The following EFHB variants were observed in gnomAD, a reference collection of about 807,000 sequenced individuals.
EFHB encodes EF-hand domain family member B.
In EFHB, 91 loss-of-function variants were observed where a neutral mutation model predicts 87.2. The ratio of observed to expected loss-of-function variants is 1.04; its 90% CI spans 0.88 to 1.24. EFHB has a LOEUF of 1.24. Among genes scored for constraint, EFHB ranks in the 50% most tolerant of loss-of-function variants. The pLI is 0.00. For synonymous variants in EFHB, 325 were observed against 333.6 expected, an observed-to-expected ratio of 0.97 and a Z score of 0.28; for missense variants, 1,084 against 998.8, an observed-to-expected ratio of 1.09 and a Z score of -1.15.
intron 1 of EFHB, among the ~76,000 whole-genome samples, chr3:19,928,708 G>A (rs1695719177): frequency 1.3e-5 from 2 of 152,172 alleles, no homozygotes; most frequent in South Asian, 4.1e-4. Flanking sequence ...GCCTCCCAAA[G>A]CACTGGGATT....
chr3:19,901,377 TTCTC>T (rs2125132262), intron 6 of EFHB, among the ~76,000 whole-genome samples: 1 of 152,316 alleles, frequency 6.6e-6, no homozygotes, highest in South Asian at 2.1e-4. Context: ...AATTAATAAA[TTCTC>T]TATTGTTTTG....
chr3:19,908,548 GAGAGAAAGAGAGAA>G (rs1694917112), intron 5 of EFHB, among the ~76,000 whole-genome samples: 1 of 65,030 alleles, frequency 1.5e-5, no homozygotes, highest in Admixed American at 1.4e-4. Flanking sequence ...AAGAAAGAAA[GAGAGAAAGAGAGAA>G]AGAGAGAGAG....
intron 1 of EFHB, chr3:19,942,482 A>AT: frequency 1.3e-5 from 2 of 151,902 alleles, no homozygotes; most frequent in South Asian, 4.2e-4. Flanking sequence ...ATGGAAGACA[A>AT]TTTTTCCACA....
At chr3:19,881,632 C>T (rs1186055570) in intron 12 of EFHB, among the ~76,000 whole-genome samples, 1 of 152,140 alleles carries the variant, frequency 6.6e-6, no homozygotes, top group Non-Finnish European at 1.5e-5. Context: ...AGTAAGAAAG[C>T]ATCAGCCTCT....
At chr3:19,938,889 T>A (rs1480327548), upstream of EFHB, among the ~76,000 whole-genome samples, 3 of 152,024 alleles carry the variant, frequency 2.0e-5, no homozygotes, top group African/African-American at 7.2e-5. Context: ...CACTGGGCTA[T>A]TTTATGACTT....
rs1464661874 is a variant in EFHB at position 19,933,429 on chromosome 3, G to A, written c.590C>T (p.Thr197Ile). The A allele has an allele frequency of 1.2e-6, 2 of 1,613,960 alleles. No individual in the cohort carries two copies. The highest frequency in any genetic ancestry group is 2.2e-5 in the East Asian group (1 of 44,874). The part of the protein sequence containing the change: ...KLPVEVDIGL[T>I]QAEGPDETKN... ...AGTCTCATCTGGCCCCTCGGCTTGG[G>A]TTAGTCCAATGTCCACCTCCACAGG... is the stretch of plus-strand genomic sequence containing the variant. Residue 197 changes from threonine (T) to isoleucine (I), a missense_variant, in exon 1 of 13, where the codon ACC (threonine) becomes ATC (isoleucine). Coordinates refer to ENST00000295824, the MANE Select transcript of EFHB (RefSeq NM_144715.4).
chr3:19,914,377 C>T (rs878984113), intron 5 of EFHB, among the ~76,000 whole-genome samples: 3 of 152,194 alleles, frequency 2.0e-5, no homozygotes, highest in Non-Finnish European at 2.9e-5. Flanking sequence ...TATCAGTCTA[C>T]TTCTCAATCC....
intron 1 of EFHB, among the ~76,000 whole-genome samples, chr3:19,930,853 C>T (rs73190456): frequency 0.03 from 4,603 of 152,290 alleles, 233 homozygotes; most frequent in African/African-American, 0.1. Context: ...CTGCTGCCTG[C>T]TGGGCGTGGT....
At chr3:19,923,746 A>G (rs1695519443) in intron 1 of EFHB, among the ~76,000 whole-genome samples, 1 of 152,242 alleles carries the variant, frequency 6.6e-6, no homozygotes. Flanking sequence ...AATAAAAAAC[A>G]TACACAAACA....
intron 9 of EFHB, among the ~76,000 whole-genome samples, chr3:19,892,983 G>A (rs1205169887): frequency 3.4e-5 from 5 of 146,212 alleles, no homozygotes; most frequent in Admixed American, 2.7e-4. Context: ...ATGGAGTCTC[G>A]CTTTGTTGCC....
intron 9 of EFHB, among the ~76,000 whole-genome samples, chr3:19,888,895 TCCTTACAAAGTTTTTAATA>T (rs1463744025): frequency 6.6e-6 from 1 of 152,230 alleles, no homozygotes; most frequent in Admixed American, 6.5e-5. Flanking sequence ...ACAATTTTTA[TCCTTACAAAGTTTTTAATA>T]CCTTCTGTGT....
At chr3:19,901,813 GGT>G (rs1446019869) in intron 6 of EFHB, among the ~76,000 whole-genome samples, 1 of 152,064 alleles carries the variant, frequency 6.6e-6, no homozygotes, top group Non-Finnish European at 1.5e-5. Flanking sequence ...AGCCAGGCCT[GGT>G]GATGGGCACC....
intron 1 of EFHB, chr3:19,940,494 A>T: frequency 2.0e-6 from 1 of 505,828 alleles, no homozygotes. Flanking sequence ...GTTTGTCTTC[A>T]TCGTGAATCT....
intron 1 of EFHB, among the ~76,000 whole-genome samples, chr3:19,939,809 T>C (rs1179225098): frequency 1.3e-5 from 2 of 152,222 alleles, no homozygotes; most frequent in African/African-American, 2.4e-5. Context: ...AGAGCAAGCC[T>C]TCTAATAGAA....
rs1695377475 is a variant in EFHB at position 19,919,898 on chromosome 3, T to C, written c.931A>G (p.Arg311Gly). ...PAGVERVFYG[R>G]ANDPQIAPYL... ...GGTGCAATCTGGGGATCATTTGCTC[T>C]TCCGTAAAATACTCTTTCTACTCCA... Residue 311 changes from arginine (R) to glycine (G), a missense_variant, in exon 3 of 13, where the codon AGA (arginine) becomes GGA (glycine). Coordinates refer to ENST00000295824, the MANE Select transcript of EFHB (RefSeq NM_144715.4). 1.9e-6 allele frequency: 3 copies of C among 1,613,820 alleles called. No homozygotes were observed. Among genetic ancestry groups the C allele is most frequent in the Non-Finnish European group, 2.5e-6 (3 of 1,179,786 alleles).
intron 12 of EFHB, among the ~76,000 whole-genome samples, chr3:19,881,483 CAGG>C (rs2071674625): frequency 6.6e-6 from 1 of 152,124 alleles, no homozygotes; most frequent in South Asian, 2.1e-4. Context: ...ATGAAACAAG[CAGG>C]AGATTTCTGT....
intron 11 of EFHB, 86 bp downstream of exon 11, chr3:19,884,317 C>A (rs2071756985): frequency 7.7e-7 from 1 of 1,291,006 alleles, no homozygotes; most frequent in Admixed American, 2.5e-5. Context: ...GAAACTTAAT[C>A]TAACGGAGAA....
intron 5 of EFHB, among the ~76,000 whole-genome samples, chr3:19,909,271 G>C (rs1694974822): frequency 6.6e-6 from 1 of 152,072 alleles, no homozygotes; most frequent in Non-Finnish European, 1.5e-5. Context: ...GGAGAACACA[G>C]CAATTGTGAG....
chr3:19,902,157 T>C (rs995924652), intron 6 of EFHB, among the ~76,000 whole-genome samples: 1 of 152,114 alleles, frequency 6.6e-6, no homozygotes, highest in African/African-American at 2.4e-5. Context: ...TTGAGTTGCA[T>C]TCACGAACCA....
Sources: gnomAD v4.1 joint callset for allele counts (sites outside exome capture counted in the v4.1 genomes callset) on GRCh38, gnomAD v4.1.1 for gene constraint, MANE v1.5 for transcripts, NCBI Gene and HGNC (gene_info 2026-07-23, HGNC 2026-07-21) for gene names.